The following HMGCLL1 variants were observed in gnomAD, a reference collection of about 807,000 sequenced individuals.
The protein encoded by HMGCLL1 is 3-hydroxymethyl-3-methylglutaryl-CoA lyase, cytoplasmic.
Under a neutral mutation model 39.1 loss-of-function variants are expected in HMGCLL1, and 36 were observed. That is an observed-to-expected ratio of 0.92 (90% CI 0.71 to 1.22). HMGCLL1 has a LOEUF of 1.22. Among genes scored for constraint, HMGCLL1 ranks in the 50% most tolerant of loss-of-function variants. HMGCLL1 has a pLI of 0.00. For missense variants in HMGCLL1, 451 were observed against 416.5 expected, an observed-to-expected ratio of 1.08 and a Z score of -0.72; for synonymous variants, 149 against 144.0, an observed-to-expected ratio of 1.03 and a Z score of -0.25.
chr6:55,663,078 CT>C, the HMGCLL1 span, among the ~76,000 whole-genome samples: 534 of 151,184 alleles, frequency 3.5e-3, 2 homozygotes, highest in African/African-American at 0.012. Flanking sequence ...TCCCTGTTTT[CT>C]TTTTTATTAA....
chr6:55,571,466 C>T (rs1010703625), intron 1 of HMGCLL1, among the ~76,000 whole-genome samples: 1 of 152,000 alleles, frequency 6.6e-6, no homozygotes, highest in Admixed American at 6.6e-5. Flanking sequence ...AAATGTAAAA[C>T]GGTGAGTGAG....
rs748333297 is a variant in HMGCLL1 at position 55,439,573 on chromosome 6, C to G, written c.796-14G>C. 1.9e-6 allele frequency: 3 copies of G among 1,610,920 alleles called. No individual in the cohort carries two copies. The highest frequency in any genetic ancestry group is 2.5e-6 in the Non-Finnish European group (3 of 1,177,988). On this transcript the variant is annotated splice_polypyrimidine_tract_variant and intron_variant, in intron 7 of 8. Coordinates refer to ENST00000274901, the MANE Select transcript of HMGCLL1 (RefSeq NM_001042406.2). ...ATTAATTCCCATCTGGAAAACAAACCAAACCACCTAAAGCTTGTGTGTTTA... is the reference window on the plus strand; with the variant it reads ...ATTAATTCCCATCTGGAAAACAAACGAAACCACCTAAAGCTTGTGTGTTTA...
the HMGCLL1 span, among the ~76,000 whole-genome samples, chr6:55,598,595 A>G: frequency 6.6e-6 from 1 of 152,204 alleles, no homozygotes; most frequent in African/African-American, 2.4e-5. Flanking sequence ...ACCTTATAGA[A>G]GATCAGTTCT....
At chr6:55,459,394 T>C (rs753764942) in intron 7 of HMGCLL1, among the ~76,000 whole-genome samples, 8 of 152,138 alleles carry the variant, frequency 5.3e-5, no homozygotes, top group Non-Finnish European at 7.4e-5. Context: ...GCAGGTTTTA[T>C]AGAGGAAATG....
At position 55,543,154 on chromosome 6, in the gene HMGCLL1, A is replaced by AT. The variant is rs1224364723; in HGVS notation, c.109-1015dup. On this transcript the variant is annotated intron_variant, in intron 1 of 8. Transcript: ENST00000274901. ...ATATATGATATATTATATATTATAT[A>AT]TATTATATATATAATATATAATATA... is the stretch of plus-strand genomic sequence containing the variant. Among the ~76,000 whole-genome samples, 44 of 8,062 alleles carry AT rather than the reference A, an allele frequency of 5.5e-3. 7 individuals carry two copies. Among genetic ancestry groups the AT allele is most frequent in the Non-Finnish European group, 9.2e-3 (32 of 3,484 alleles). The allele number at this position is 8,062 out of a possible 152,430, so 5.3% of individuals were successfully genotyped here.
At chr6:55,617,033 A>C in the HMGCLL1 span, among the ~76,000 whole-genome samples, 2 of 152,136 alleles carry the variant, frequency 1.3e-5, no homozygotes, top group Non-Finnish European at 2.9e-5. Context: ...GATTTTTAAA[A>C]ATTTTTCTTT....
At chr6:55,465,983 C>T (rs1262135554) in intron 7 of HMGCLL1, among the ~76,000 whole-genome samples, 4 of 151,782 alleles carry the variant, frequency 2.6e-5, no homozygotes, top group Non-Finnish European at 5.9e-5. Context: ...AAGGATATTA[C>T]TAATAGAAGT....
At chr6:55,613,373 G>A in the HMGCLL1 span, among the ~76,000 whole-genome samples, 2 of 152,148 alleles carry the variant, frequency 1.3e-5, no homozygotes, top group African/African-American at 4.8e-5. Flanking sequence ...AACCATTGTG[G>A]AAGACAGTGT....
chr6:55,568,865 A>T (rs1009916667), intron 1 of HMGCLL1, among the ~76,000 whole-genome samples: 1 of 152,050 alleles, frequency 6.6e-6, no homozygotes, highest in Admixed American at 6.6e-5. Context: ...ACACACACAC[A>T]CACACACACA....
chr6:55,521,993 T>C (rs945375607), intron 3 of HMGCLL1, among the ~76,000 whole-genome samples: 1 of 151,910 alleles, frequency 6.6e-6, no homozygotes, highest in Non-Finnish European at 1.5e-5. Flanking sequence ...ACACAGATAA[T>C]AAGTGAAACA....
At chr6:55,613,935 A>G in the HMGCLL1 span, among the ~76,000 whole-genome samples, 1 of 152,170 alleles carries the variant, frequency 6.6e-6, no homozygotes, top group Non-Finnish European at 1.5e-5. Context: ...ACTTAAAGTA[A>G]AATAAAATTT....
the HMGCLL1 span, among the ~76,000 whole-genome samples, chr6:55,592,724 C>T: frequency 2.0e-5 from 3 of 152,122 alleles, no homozygotes; most frequent in East Asian, 1.9e-4. Flanking sequence ...CAAGTACTAA[C>T]GTCTGCTGAG....
At chr6:55,653,814 G>A in the HMGCLL1 span, among the ~76,000 whole-genome samples, 21 of 151,858 alleles carry the variant, frequency 1.4e-4, no homozygotes, top group Non-Finnish European at 2.8e-4. Flanking sequence ...TTCCAGCATA[G>A]CACCAAAGTA....
chr6:55,655,819 A>G, the HMGCLL1 span, among the ~76,000 whole-genome samples: 1 of 152,038 alleles, frequency 6.6e-6, no homozygotes, highest in South Asian at 2.1e-4. Context: ...TTATGTGAGA[A>G]CATTTGAAAT....
At chr6:55,630,347 A>G in the HMGCLL1 span, among the ~76,000 whole-genome samples, 2 of 152,018 alleles carry the variant, frequency 1.3e-5, 1 homozygote, top group South Asian at 4.1e-4. Flanking sequence ...TAGAATGGTT[A>G]TATTTACCCA....
At chr6:55,666,349 C>A in the HMGCLL1 span, among the ~76,000 whole-genome samples, 1 of 151,736 alleles carries the variant, frequency 6.6e-6, no homozygotes, top group Admixed American at 6.6e-5. Flanking sequence ...CAAGGAAAAC[C>A]ACATTCTTAT....
At chr6:55,598,724 A>G in the HMGCLL1 span, among the ~76,000 whole-genome samples, 1 of 152,170 alleles carries the variant, frequency 6.6e-6, no homozygotes, top group African/African-American at 2.4e-5. Context: ...CAAACGTTTA[A>G]TGGTTCAATC....
intron 7 of HMGCLL1, among the ~76,000 whole-genome samples, chr6:55,447,380 T>A (rs1433993499): frequency 6.6e-6 from 1 of 152,066 alleles, no homozygotes; most frequent in African/African-American, 2.4e-5. Flanking sequence ...TAGGATTATA[T>A]ATAGATGCAA....
At chr6:55,609,438 G>A in the HMGCLL1 span, among the ~76,000 whole-genome samples, 1 of 152,100 alleles carries the variant, frequency 6.6e-6, no homozygotes, top group Non-Finnish European at 1.5e-5. Context: ...AGCCTTTTAG[G>A]CCAGACCCTG....
Sources: gnomAD v4.1 joint callset for allele counts (sites outside exome capture counted in the v4.1 genomes callset) on GRCh38, gnomAD v4.1.1 for gene constraint, MANE v1.5 for transcripts, NCBI Gene and HGNC (gene_info 2026-07-23, HGNC 2026-07-21) for gene names.